The following VPS8 variants were observed in gnomAD, a reference collection of about 807,000 sequenced individuals.
VPS8 encodes the protein VPS8 subunit of CORVET complex, also known as vacuolar protein sorting-associated protein 8 homolog.
VPS8 carries 129 observed loss-of-function variants against 216.4 expected under a neutral mutation model. The observed-to-expected ratio is 0.60, with a 90% CI of 0.52 to 0.69. VPS8 has a LOEUF of 0.69. Among genes scored for constraint, VPS8 ranks in the 30% least tolerant of loss-of-function variants. The pLI is 0.00. For synonymous variants in VPS8, 571 were observed against 565.4 expected (o/e 1.01, Z -0.14); for missense variants, 1,531 against 1,683.5 (o/e 0.91, Z 1.59).
intron 30 of VPS8, among the ~76,000 whole-genome samples, chr3:184,926,038 G>C (rs1739552195): frequency 6.7e-6 from 1 of 149,522 alleles, no homozygotes; most frequent in South Asian, 2.2e-4. Flanking sequence ...GCCTCCCAAA[G>C]TGCTGGGATT....
intron 18 of VPS8, 85 bp downstream of exon 18, chr3:184,868,144 AT>A (rs1375975757): frequency 1.4e-6 from 2 of 1,421,284 alleles, no homozygotes; most frequent in Non-Finnish European, 2.0e-6. Context: ...GAAGAAGATT[AT>A]TTGGTAAGCT....
chr3:184,829,237 A>G (rs1385240369), intron 3 of VPS8, among the ~76,000 whole-genome samples: 1 of 152,044 alleles, frequency 6.6e-6, no homozygotes, highest in Admixed American at 6.6e-5. Context: ...TTTTGAGACA[A>G]GAGTCTCACT....
chr3:184,892,464 G>C (rs1222219487), intron 22 of VPS8, among the ~76,000 whole-genome samples: 1 of 152,124 alleles, frequency 6.6e-6, no homozygotes, highest in Non-Finnish European at 1.5e-5. Context: ...TGATCTGCCT[G>C]CCTTGGCCTC....
intron 15 of VPS8, among the ~76,000 whole-genome samples, chr3:184,862,159 A>G (rs564496910): frequency 1.3e-5 from 2 of 152,288 alleles, no homozygotes; most frequent in South Asian, 4.1e-4. Context: ...AGGGCAGGGG[A>G]CGCACTTCGT....
chr3:184,834,645 T>TC lies in VPS8; in HGVS notation c.354-3dup. ...TTTTAAATGTTTTTCTTTTTTTTTT[T>TC]CAGGAAGAAGAAATTACCTGATTCT... On this transcript the variant is annotated splice_region_variant and splice_polypyrimidine_tract_variant and intron_variant, in intron 4 of 47. Coordinates refer to ENST00000625842, the MANE Select transcript of VPS8 (RefSeq NM_001009921.3). 6.5e-7 allele frequency: 1 copy of TC among 1,526,948 alleles called. No individual in the cohort carries two copies. Among genetic ancestry groups the TC allele is most frequent in the Non-Finnish European group, 8.8e-7 (1 of 1,138,680 alleles). 94.6% of individuals were successfully genotyped at this position (1,526,948 alleles called of 1,614,324 possible).
chr3:184,828,853 G>A (rs996924302), intron 3 of VPS8, among the ~76,000 whole-genome samples: 13 of 152,266 alleles, frequency 8.5e-5, no homozygotes, highest in African/African-American at 2.2e-4. Context: ...TAAAGCAGCC[G>A]AACATTACTA....
intron 1 of VPS8, among the ~76,000 whole-genome samples, chr3:184,820,919 C>T (rs1717445366): frequency 6.6e-6 from 1 of 152,158 alleles, no homozygotes. Flanking sequence ...CTGTACTAGT[C>T]TTAGACAAAA....
chr3:184,908,311 G>A (rs1243888772), intron 25 of VPS8, among the ~76,000 whole-genome samples: 1 of 152,248 alleles, frequency 6.6e-6, no homozygotes, highest in Non-Finnish European at 1.5e-5. Flanking sequence ...TCCTTTGCCG[G>A]ACTTGCAGCA....
At chr3:184,830,960 A>G (rs940944862) in intron 3 of VPS8, among the ~76,000 whole-genome samples, 4 of 152,220 alleles carry the variant, frequency 2.6e-5, no homozygotes, top group African/African-American at 9.6e-5. Context: ...CATGGTTCTT[A>G]AAGCTATAGA....
At chr3:184,863,345 A>T (rs999656400) in intron 16 of VPS8, among the ~76,000 whole-genome samples, 1 of 152,230 alleles carries the variant, frequency 6.6e-6, no homozygotes, top group African/African-American at 2.4e-5. Flanking sequence ...ATGACGTATA[A>T]TGGAAAATTT....
intron 15 of VPS8, 103 bp from the exon 16 acceptor site, chr3:184,862,794 A>G: frequency 8.4e-7 from 1 of 1,196,054 alleles, no homozygotes; most frequent in Non-Finnish European, 1.2e-6. Context: ...TAAATGGATC[A>G]AGTCCTCAAT....
At chr3:184,881,908 C>T (rs893251517) in intron 21 of VPS8, among the ~76,000 whole-genome samples, 19 of 151,946 alleles carry the variant, frequency 1.3e-4, no homozygotes, top group South Asian at 4.1e-4. Flanking sequence ...TCAGTAATGG[C>T]ATATGGAATG....
intron 1 of VPS8, among the ~76,000 whole-genome samples, chr3:184,817,050 T>C (rs1198764137): frequency 6.6e-6 from 1 of 152,126 alleles, no homozygotes; most frequent in Non-Finnish European, 1.5e-5. Flanking sequence ...TAAAAGAACA[T>C]AAAACATCTG....
rs1716238138 is a variant in VPS8 at position 184,815,995 on chromosome 3, C to T, written c.-89+3770C>T. On this transcript the variant is annotated intron_variant, in intron 1 of 47. Transcript: ENST00000625842. ...CATTTAACTTACAAGAATTTACCTGCATCAGTCAGTTATGTGAAGAAGAAA... is the reference window on the plus strand; with the variant it reads ...CATTTAACTTACAAGAATTTACCTGTATCAGTCAGTTATGTGAAGAAGAAA... 6 of 152,122 alleles carry T rather than the reference C, an allele frequency of 3.9e-5. No individual in the cohort carries two copies. The South Asian group carries it at 1.2e-3, about 32-fold the overall frequency. 9.4% of individuals were successfully genotyped at this position (152,122 alleles called of 1,614,324 possible). A position where few individuals can be genotyped will look rare whatever the true frequency, so the allele number is the denominator to read the frequency against.
intron 30 of VPS8, 121 bp downstream of exon 30, chr3:184,925,102 G>C: frequency 7.3e-7 from 1 of 1,369,538 alleles, no homozygotes; most frequent in Middle Eastern, 1.9e-4. Context: ...GGAGAGGCCT[G>C]TTCAGGTTTT....
At chr3:184,969,123 G>GT (rs1335374700) in intron 39 of VPS8, among the ~76,000 whole-genome samples, 1 of 151,876 alleles carries the variant, frequency 6.6e-6, no homozygotes, top group African/African-American at 2.4e-5. Context: ...ATAACTTTTT[G>GT]TTTTTTTCTG....
At chr3:184,944,619 C>T (rs970445607) in intron 36 of VPS8, 3 of 978,848 alleles carry the variant, frequency 3.1e-6, no homozygotes, top group East Asian at 1.1e-4. Context: ...GAATATTTTC[C>T]TCAGTATGAT....
chr3:184,934,339 T>G (rs1287314829), intron 34 of VPS8, among the ~76,000 whole-genome samples: 1 of 152,112 alleles, frequency 6.6e-6, no homozygotes. Flanking sequence ...CACAGCTTAT[T>G]TTTATATTTT....
intron 37 of VPS8, among the ~76,000 whole-genome samples, chr3:184,959,314 T>G (rs147748639): frequency 1.3e-5 from 2 of 152,248 alleles, no homozygotes; most frequent in Non-Finnish European, 2.9e-5. Flanking sequence ...GACATCCCAG[T>G]CAAAGCCTTG....
Sources: gnomAD v4.1 joint callset for allele counts (sites outside exome capture counted in the v4.1 genomes callset) on GRCh38, gnomAD v4.1.1 for gene constraint, MANE v1.5 for transcripts, NCBI Gene and HGNC (gene_info 2026-07-23, HGNC 2026-07-21) for gene names.